Variants in CAPSL observed in about 807,000 individuals in gnomAD.
CAPSL encodes the protein calcyphosin-like protein.
In CAPSL, 17 loss-of-function variants were observed where a neutral mutation model predicts 21.3. That is an observed-to-expected ratio of 0.80 (90% CI 0.55 to 1.20). The LOEUF (loss-of-function observed/expected upper bound fraction) is 1.20. Among genes scored for constraint, CAPSL ranks in the 50% most tolerant of loss-of-function variants. The probability of loss-of-function intolerance (pLI) is 0.00; values close to 1 mark genes in which losing one functional copy is unlikely to be tolerated. For missense variants in CAPSL, 289 were observed against 259.3 expected (o/e 1.11, Z -0.79); for synonymous variants, 102 against 89.3 (o/e 1.14, Z -0.80).
At chr5:35,924,713 G>A (rs1352727617) in intron 1 of CAPSL, among the ~76,000 whole-genome samples, 3 of 152,214 alleles carry the variant, frequency 2.0e-5, no homozygotes, top group African/African-American at 7.2e-5. Context: ...TAGAGTGTGG[G>A]AGTGTGAGGA....
At chr5:35,904,790 A>T in intron 4 of CAPSL, 144 bp from the exon 5 acceptor site, 1 of 1,265,926 alleles carries the variant, frequency 7.9e-7, no homozygotes, top group Non-Finnish European at 1.1e-6. Flanking sequence ...TCTAAAACAA[A>T]AGAACAAGTG....
chr5:35,933,420 A>T (rs982668828), intron 1 of CAPSL, among the ~76,000 whole-genome samples: 99 of 152,288 alleles, frequency 6.5e-4, no homozygotes, highest in African/African-American at 2.2e-3. Flanking sequence ...TGGTAGAAAA[A>T]CCAAGATTCT....
At chr5:35,930,436 T>C (rs1273167915) in intron 1 of CAPSL, among the ~76,000 whole-genome samples, 1 of 152,230 alleles carries the variant, frequency 6.6e-6, no homozygotes, top group Non-Finnish European at 1.5e-5. Context: ...ATATTCATAT[T>C]TCACTTTATT....
intron 4 of CAPSL, among the ~76,000 whole-genome samples, chr5:35,907,327 AT>A (rs1054281338): frequency 1.3e-5 from 2 of 152,196 alleles, no homozygotes; most frequent in African/African-American, 2.4e-5. Context: ...TTATTTAAAA[AT>A]TTTTTATGAG....
chr5:35,912,284 G>T (rs973349667), intron 2 of CAPSL, among the ~76,000 whole-genome samples: 1 of 152,218 alleles, frequency 6.6e-6, no homozygotes, highest in Non-Finnish European at 1.5e-5. Flanking sequence ...ACCTCTGGGG[G>T]CAGGGCATAG....
intron 1 of CAPSL, among the ~76,000 whole-genome samples, chr5:35,929,956 T>A (rs1372300058): frequency 5.9e-5 from 9 of 152,242 alleles, no homozygotes. Context: ...ATTAAAATGA[T>A]GTGTGAGGGT....
chr5:35,916,078 CAGAG>C (rs919425051), intron 2 of CAPSL, among the ~76,000 whole-genome samples: 96 of 149,284 alleles, frequency 6.4e-4, no homozygotes, highest in African/African-American at 2.2e-3. Flanking sequence ...AACAGACAAA[CAGAG>C]AGGCAAATCA....
chr5:35,905,609 C>G (rs1760656849), intron 4 of CAPSL, among the ~76,000 whole-genome samples: 1 of 152,198 alleles, frequency 6.6e-6, no homozygotes, highest in Non-Finnish European at 1.5e-5. Context: ...TGCATAGAGC[C>G]TCTGTCAAAA....
intron 2 of CAPSL, among the ~76,000 whole-genome samples, chr5:35,914,271 C>G (rs1580883718): frequency 6.6e-6 from 1 of 152,070 alleles, no homozygotes; most frequent in East Asian, 1.9e-4. Flanking sequence ...GAGACTTTAC[C>G]ACCCCACTGT....
chr5:35,908,728 A>T (rs1580878532), intron 4 of CAPSL, among the ~76,000 whole-genome samples: 1 of 152,124 alleles, frequency 6.6e-6, no homozygotes, highest in Admixed American at 6.6e-5. Flanking sequence ...CCTTTTGTAA[A>T]CCTGCCTCCA....
At chr5:35,923,645 A>G (rs928066408) in intron 1 of CAPSL, among the ~76,000 whole-genome samples, 4 of 152,126 alleles carry the variant, frequency 2.6e-5, no homozygotes, top group Non-Finnish European at 5.9e-5. Context: ...AAGAAGCCAG[A>G]CACAAAATGT....
intron 2 of CAPSL, among the ~76,000 whole-genome samples, chr5:35,916,559 A>G (rs537456871): frequency 8.5e-4 from 129 of 152,288 alleles, no homozygotes; most frequent in Admixed American, 4.9e-3. Flanking sequence ...AAATAATGCC[A>G]CATATCTACA....
At chr5:35,921,491 C>T (rs1304054311) in intron 1 of CAPSL, among the ~76,000 whole-genome samples, 4 of 152,090 alleles carry the variant, frequency 2.6e-5, no homozygotes, top group Non-Finnish European at 4.4e-5. Flanking sequence ...TTCCCTTGAC[C>T]CTCACATTTA....
chr5:35,933,787 A>G lies in CAPSL; in HGVS notation c.-1+4754T>C, dbSNP rs141426780. Among the ~76,000 whole-genome samples the G allele has an allele frequency of 5.1e-3, 776 of 152,292 alleles. 8 individuals are homozygous for G. The highest frequency in any genetic ancestry group is 0.018 in the African/African-American group (742 of 41,560). ...GAACTGTCCTGCTCTCTCAAACTACACTTTTTAGTTTGGGAAATTTTAATT... is the reference window on the plus strand; with the variant it reads ...GAACTGTCCTGCTCTCTCAAACTACGCTTTTTAGTTTGGGAAATTTTAATT... On this transcript the variant is annotated intron_variant, in intron 1 of 4. Coordinates refer to ENST00000651391, the MANE Select transcript of CAPSL (RefSeq NM_001042625.2).
At chr5:35,911,448 A>C (rs537964043) in intron 2 of CAPSL, among the ~76,000 whole-genome samples, 11 of 152,362 alleles carry the variant, frequency 7.2e-5, no homozygotes, top group Admixed American at 3.3e-4. Flanking sequence ...CCCTAAAAAT[A>C]ATAAGCCCAG....
intron 4 of CAPSL, among the ~76,000 whole-genome samples, chr5:35,908,155 G>A (rs1936269795): frequency 6.6e-6 from 1 of 152,138 alleles, no homozygotes; most frequent in Admixed American, 6.5e-5. Flanking sequence ...TTAGAGCTAA[G>A]GATCACAAAT....
chr5:35,921,426 T>C (rs1320198846), intron 1 of CAPSL, among the ~76,000 whole-genome samples: 2 of 152,220 alleles, frequency 1.3e-5, no homozygotes, highest in African/African-American at 4.8e-5. Flanking sequence ...TTCTCTATAC[T>C]CTCTTTTTTG....
intron 1 of CAPSL, 25 bp downstream of exon 1, chr5:35,938,516 A>C (rs1413582946): frequency 6.5e-6 from 1 of 152,764 alleles, no homozygotes; most frequent in Non-Finnish European, 1.5e-5. Context: ...ATTAAATCAT[A>C]GAATAGATAA....
chr5:35,911,206 C>T (rs1351015981), intron 2 of CAPSL, among the ~76,000 whole-genome samples: 4 of 152,150 alleles, frequency 2.6e-5, no homozygotes, highest in African/African-American at 9.7e-5. Context: ...ATATATTCTC[C>T]TCTCAAGGAG....
Sources: allele counts gnomAD v4.1 joint callset (sites outside exome capture counted in the v4.1 genomes callset), GRCh38; gene constraint gnomAD v4.1.1; transcripts MANE v1.5; gene names NCBI Gene and HGNC (gene_info 2026-07-23, HGNC 2026-07-21).